Variants in KCNAB1 observed in about 807,000 individuals in gnomAD.
The protein encoded by KCNAB1 is potassium voltage-gated channel subfamily A regulatory beta subunit 1.
In KCNAB1, 35 loss-of-function variants were observed where a neutral mutation model predicts 64.6. The observed-to-expected ratio is 0.54, with a 90% CI of 0.41 to 0.72. The LOEUF is 0.72. KCNAB1 is among the 30% of genes least tolerant of loss of function. The pLI is 0.00. For missense variants in KCNAB1, 401 were observed against 512.9 expected (o/e 0.78, Z 2.11); for synonymous variants, 177 against 183.8 (o/e 0.96, Z 0.30).
chr3:156,443,385 A>G (rs1464570), intron 2 of KCNAB1, among the ~76,000 whole-genome samples: 101,004 of 151,568 alleles, frequency 0.67, 33,965 homozygotes, highest in East Asian at 0.76. Context: ...TTTGGCTGGA[A>G]TAGAGCATAG....
In KCNAB1 at chr3:156,176,380, A is replaced by T. The variant is rs1712370045; in HGVS notation, c.275+55494A>T. On this transcript the variant is annotated intron_variant, in intron 1 of 13. Transcript: ENST00000490337. ...TGTTTAGATGGCTGCTTTCTTCCAG[A>T]GTCCCAAAGCTTAACTGTGCCATCG... 1.8e-5 allele frequency: 14 copies of T among 791,510 alleles called. No homozygotes were observed. The Admixed American group carries it at 1.9e-4, about 11-fold the overall frequency. The allele number at this position is 791,510 out of a possible 1,614,324, so 49.0% of individuals were successfully genotyped here. A position where few individuals can be genotyped will look rare whatever the true frequency, so the allele number is the denominator to read the frequency against.
chr3:156,137,634 C>G (rs774973794), intron 1 of KCNAB1, among the ~76,000 whole-genome samples: 7 of 151,926 alleles, frequency 4.6e-5, no homozygotes, highest in African/African-American at 1.7e-4. Flanking sequence ...ACCCCCGCCC[C>G]CACCAGGTTC....
At chr3:156,240,304 C>T (rs1329584373) in intron 1 of KCNAB1, among the ~76,000 whole-genome samples, 1 of 151,818 alleles carries the variant, frequency 6.6e-6, no homozygotes, top group African/African-American at 2.4e-5. Flanking sequence ...TTTTTCCTTC[C>T]TTCATTCCTT....
intron 12 of KCNAB1, among the ~76,000 whole-genome samples, chr3:156,526,667 C>T (rs751768840): frequency 3.3e-5 from 5 of 152,164 alleles, no homozygotes; most frequent in Non-Finnish European, 7.4e-5. Context: ...TAGTAAGCAC[C>T]TCAGGCTCAC....
chr3:156,193,925 C>G (rs1342037607), intron 1 of KCNAB1, among the ~76,000 whole-genome samples: 1 of 152,120 alleles, frequency 6.6e-6, no homozygotes, highest in Non-Finnish European at 1.5e-5. Context: ...GTAACTTCAT[C>G]ATAAGTTGAA....
chr3:156,150,114 G>A (rs1464594605), intron 1 of KCNAB1, among the ~76,000 whole-genome samples: 1 of 152,138 alleles, frequency 6.6e-6, no homozygotes, highest in Non-Finnish European at 1.5e-5. Flanking sequence ...TATTTCTGGA[G>A]GAAAGTAGAT....
rs189185360 is a variant in KCNAB1 at position 156,124,522 on chromosome 3, T to C, written c.275+3636T>C. On this transcript the variant is annotated intron_variant, in intron 1 of 13. Transcript: ENST00000490337. ...GTGAGCCACCGTGCCTGGCCGAGGC[T>C]CTATTTCTAGAAGTGCAATTAATGG... 1.1e-4 allele frequency among the ~76,000 whole-genome samples: 16 copies of C among 152,132 alleles called. No homozygotes were observed. In the East Asian group the frequency reaches 3.1e-3, roughly 29 times the overall value.
At chr3:156,266,580 T>C (rs1427340268) in intron 1 of KCNAB1, among the ~76,000 whole-genome samples, 1 of 152,208 alleles carries the variant, frequency 6.6e-6, no homozygotes, top group African/African-American at 2.4e-5. Flanking sequence ...AGAGGCCAAC[T>C]ATAGAGAGGG....
chr3:156,191,684 C>CA (rs533780367), intron 1 of KCNAB1, among the ~76,000 whole-genome samples: 45 of 152,094 alleles, frequency 3.0e-4, no homozygotes, highest in Admixed American at 1.6e-3. Context: ...AAAATACTTT[C>CA]AAAAAAATGT....
intron 1 of KCNAB1, among the ~76,000 whole-genome samples, chr3:156,282,340 A>T (rs929415361): frequency 6.1e-5 from 9 of 146,386 alleles, no homozygotes; most frequent in South Asian, 2.4e-4. Context: ...ATAGTTTGTT[A>T]TAATTTCTGT....
intron 1 of KCNAB1, among the ~76,000 whole-genome samples, chr3:156,355,725 G>A (rs1307942818): frequency 6.6e-6 from 1 of 152,082 alleles, no homozygotes; most frequent in East Asian, 1.9e-4. Flanking sequence ...CCACTTTTGA[G>A]GGACTCGATT....
intron 1 of KCNAB1, among the ~76,000 whole-genome samples, chr3:156,343,899 T>C (rs1291641237): frequency 2.0e-5 from 3 of 152,238 alleles, no homozygotes; most frequent in Non-Finnish European, 4.4e-5. Flanking sequence ...AAGATCCAAT[T>C]TGACACATTT....
rs1576826611 is a variant in KCNAB1 at position 156,406,800 on chromosome 3, G to A, written c.276-14816G>A. The stretch of plus-strand genomic sequence containing the variant: ...AGAGAATACCATTAAAAAGGAAAGG[G>A]GTACAGACGGGAAGTAGAGAGCCTA... On this transcript the variant is annotated intron_variant, in intron 1 of 13. Transcript: ENST00000490337. 3.3e-5 allele frequency among the ~76,000 whole-genome samples: 5 copies of A among 152,262 alleles called. No homozygotes were observed. In the South Asian group the frequency reaches 1.0e-3, roughly 32 times the overall value.
At chr3:156,378,517 C>G (rs755170718) in intron 1 of KCNAB1, among the ~76,000 whole-genome samples, 1 of 152,078 alleles carries the variant, frequency 6.6e-6, no homozygotes, top group Non-Finnish European at 1.5e-5. Context: ...CAGTTCACAC[C>G]CTTCCTTCTT....
chr3:156,152,129 C>T (rs1276416451), intron 1 of KCNAB1, among the ~76,000 whole-genome samples: 2 of 152,212 alleles, frequency 1.3e-5, no homozygotes, highest in South Asian at 2.1e-4. Context: ...TCTTCTGGAA[C>T]TTTAGGCCCA....
At chr3:156,276,853 G>A (rs962249586) in intron 1 of KCNAB1, among the ~76,000 whole-genome samples, 21 of 152,146 alleles carry the variant, frequency 1.4e-4, no homozygotes, top group Middle Eastern at 3.4e-3. Context: ...CAGCAATAAG[G>A]CTCTTTTGCT....
chr3:156,516,240 A>G, intron 10 of KCNAB1, 30 bp from the exon 11 acceptor site: 1 of 1,560,674 alleles, frequency 6.4e-7, no homozygotes, highest in Non-Finnish European at 8.8e-7. Context: ...CAATTTGCAC[A>G]AGCAACTTTC....
chr3:156,520,234 A>G (rs1340834125), intron 11 of KCNAB1, among the ~76,000 whole-genome samples: 3 of 152,228 alleles, frequency 2.0e-5, no homozygotes, highest in East Asian at 1.9e-4. Flanking sequence ...AGAAATAAAT[A>G]GTGCAATAAA....
intron 1 of KCNAB1, among the ~76,000 whole-genome samples, chr3:156,400,685 A>C (rs530959644): frequency 1.3e-5 from 2 of 152,304 alleles, no homozygotes; most frequent in African/African-American, 4.8e-5. Flanking sequence ...TGCAATGTAT[A>C]TACAATGCAC....
Sources: gnomAD v4.1 joint callset for allele counts (sites outside exome capture counted in the v4.1 genomes callset) on GRCh38, gnomAD v4.1.1 for gene constraint, MANE v1.5 for transcripts, NCBI Gene and HGNC (gene_info 2026-07-23, HGNC 2026-07-21) for gene names.